The following TNRC6A variants were observed in gnomAD, a reference collection of about 807,000 sequenced individuals.
TNRC6A encodes the protein trinucleotide repeat containing adaptor 6A.
In TNRC6A, 44 loss-of-function variants were observed where a neutral mutation model predicts 221.2. The observed-to-expected ratio is 0.20, with a 90% confidence interval of 0.16 to 0.26. The LOEUF is 0.26. Among genes scored for constraint, TNRC6A ranks in the 10% least tolerant of loss-of-function variants. The pLI is 1.00. For synonymous variants in TNRC6A, 847 were observed against 838.5 expected (o/e 1.01, Z -0.18); for missense variants, 2,199 against 2,404.4 (o/e 0.91, Z 1.79).
intron 2 of TNRC6A, among the ~76,000 whole-genome samples, chr16:24,690,526 T>G (rs765627350): frequency 1.3e-5 from 2 of 152,136 alleles, no homozygotes; most frequent in Non-Finnish European, 2.9e-5. Flanking sequence ...GGGTGCCTAC[T>G]ACATGAAAAC....
At chr16:24,683,392 C>T (rs1305639513) in intron 2 of TNRC6A, among the ~76,000 whole-genome samples, 1 of 152,132 alleles carries the variant, frequency 6.6e-6, no homozygotes, top group African/African-American at 2.4e-5. Context: ...GAGACGGAGT[C>T]TTGCTATGTT....
intron 4 of TNRC6A, among the ~76,000 whole-genome samples, chr16:24,763,240 A>G (rs113001185): frequency 2.0e-4 from 30 of 152,284 alleles, no homozygotes; most frequent in African/African-American, 7.0e-4. Flanking sequence ...TTTTTTTGCT[A>G]CACCTGTAAG....
chr16:24,773,857 C>T (rs1275596755), intron 4 of TNRC6A, among the ~76,000 whole-genome samples: 1 of 151,196 alleles, frequency 6.6e-6, no homozygotes, highest in African/African-American at 2.4e-5. Flanking sequence ...ATATCTTCCT[C>T]TCTACTTTTT....
chr16:24,630,432 G>T (rs143697489), intron 1 of TNRC6A, among the ~76,000 whole-genome samples: 106 of 152,270 alleles, frequency 7.0e-4, no homozygotes, highest in African/African-American at 2.4e-3. Flanking sequence ...GGGAGGCAGA[G>T]GCAGGAGGAT....
intron 9 of TNRC6A, among the ~76,000 whole-genome samples, chr16:24,796,992 T>G (rs1274086030): frequency 6.6e-6 from 1 of 152,216 alleles, no homozygotes; most frequent in Non-Finnish European, 1.5e-5. Flanking sequence ...CAACACAAAT[T>G]GAAATTTTAA....
rs989618691 is a variant in TNRC6A, at chr16:24,771,634, A to G, written c.164-5299A>G. On this transcript the variant is annotated intron_variant, in intron 4 of 24. Transcript: ENST00000395799. Reference sequence around the variant, plus strand: ...GTTATGTTATGTTATGTTATTCAGGAGTTGGGGCCTTACCATATTGCCCAT... The same window carrying G: ...GTTATGTTATGTTATGTTATTCAGGGGTTGGGGCCTTACCATATTGCCCAT... 4.1e-5 allele frequency among the ~76,000 whole-genome samples: 3 copies of G among 73,992 alleles called. No homozygotes were observed. In the Admixed American group the frequency reaches 4.7e-4, roughly 12 times the overall value. 48.5% of individuals were successfully genotyped at this position (73,992 alleles called of 152,430 possible).
chr16:24,798,087 G>A lies in TNRC6A; in HGVS notation c.3694+121G>A, dbSNP rs995584514. ...GGGGAGGCTGTGCTCTCCAATAGAC[G>A]TACACATGCTGTGGTTAAATGAGTG... On this transcript the variant is annotated intron_variant, in intron 11 of 24. Transcript: ENST00000395799. 48 of 726,922 alleles carry A rather than the reference G, an allele frequency of 6.6e-5. No homozygotes were observed. In the Middle Eastern group the frequency reaches 1.9e-3, roughly 28 times the overall value. The allele number at this position is 726,922 out of a possible 1,614,324, so 45.0% of individuals were successfully genotyped here. A position where few individuals can be genotyped will look rare whatever the true frequency, so the allele number is the denominator to read the frequency against.
intron 4 of TNRC6A, chr16:24,776,402 T>TA: frequency 1.0e-6 from 1 of 985,472 alleles, no homozygotes; most frequent in Non-Finnish European, 1.2e-6. Flanking sequence ...TTTTAGCAAA[T>TA]ACAGACATTG....
rs546299695 is a variant in TNRC6A at position 24,786,350 on chromosome 16, G to A, written c.590-2882G>A. 2.6e-5 allele frequency among the ~76,000 whole-genome samples: 4 copies of A among 151,626 alleles called. No homozygotes were observed. In the East Asian group the frequency reaches 7.7e-4, roughly 29 times the overall value. On this transcript the variant is annotated intron_variant, in intron 5 of 24. Coordinates refer to ENST00000395799, the MANE Select transcript of TNRC6A (RefSeq NM_014494.4). ...GTTTTGTTTTGTTTTTTTTGAGACG[G>A]AGTCTTGCTTTGTTGCCCAGGCTGG...
chr16:24,748,730 A>G (rs1226333392), intron 2 of TNRC6A, among the ~76,000 whole-genome samples: 2 of 152,210 alleles, frequency 1.3e-5, no homozygotes, highest in East Asian at 3.9e-4. Flanking sequence ...CACCTATAGC[A>G]ACAACCCCTT....
chr16:24,807,435 T>A (rs1338531784), intron 17 of TNRC6A, among the ~76,000 whole-genome samples: 1 of 152,248 alleles, frequency 6.6e-6, no homozygotes, highest in Non-Finnish European at 1.5e-5. Context: ...GGAAGGCTGA[T>A]GTTCTTATTA....
intron 1 of TNRC6A, among the ~76,000 whole-genome samples, chr16:24,635,439 C>A (rs939604213): frequency 6.6e-6 from 1 of 151,926 alleles, no homozygotes. Context: ...CCCACCACCA[C>A]GCCCAGCTAA....
At chr16:24,715,372 G>A (rs1023218934) in intron 2 of TNRC6A, among the ~76,000 whole-genome samples, 6 of 152,050 alleles carry the variant, frequency 3.9e-5, no homozygotes, top group Non-Finnish European at 7.4e-5. Flanking sequence ...ACCATACCTG[G>A]CCAGAAATTC....
intron 2 of TNRC6A, among the ~76,000 whole-genome samples, chr16:24,731,390 AC>A (rs1239911584): frequency 6.6e-6 from 1 of 152,204 alleles, no homozygotes. Context: ...TTCATAAGAT[AC>A]TAATCTGTTC....
intron 2 of TNRC6A, among the ~76,000 whole-genome samples, chr16:24,699,667 T>C (rs1188836648): frequency 6.7e-6 from 1 of 149,862 alleles, no homozygotes; most frequent in African/African-American, 2.5e-5. Flanking sequence ...TGCAGTGAGC[T>C]ATGATTGCGC....
intron 9 of TNRC6A, among the ~76,000 whole-genome samples, chr16:24,796,790 T>C (rs1322285170): frequency 1.3e-5 from 2 of 152,162 alleles, no homozygotes; most frequent in African/African-American, 4.8e-5. Context: ...AGTGAGACCA[T>C]AATGAGAGAC....
chr16:24,771,582 T>TTATGTTGTGTTGTGATGTTA, intron 4 of TNRC6A, among the ~76,000 whole-genome samples: 2 of 95,480 alleles, frequency 2.1e-5, no homozygotes, highest in Non-Finnish European at 4.1e-5. Flanking sequence ...TTATGTTATG[T>TTATGTTGTGTTGTGATGTTA]TGTTATGTTA....
intron 2 of TNRC6A, among the ~76,000 whole-genome samples, chr16:24,672,474 C>T (rs1270431472): frequency 6.6e-6 from 1 of 151,794 alleles, no homozygotes; most frequent in African/African-American, 2.4e-5. Flanking sequence ...CAGGGTCTCA[C>T]GAAGTCACCC....
chr16:24,805,578 T>A, intron 14 of TNRC6A, 27 bp from the exon 15 acceptor site: 1 of 1,613,240 alleles, frequency 6.2e-7, no homozygotes, highest in Non-Finnish European at 8.5e-7. Flanking sequence ...TTTATCAAGA[T>A]CATTAACTTA....
Sources: allele counts gnomAD v4.1 joint callset (sites outside exome capture counted in the v4.1 genomes callset), GRCh38; gene constraint gnomAD v4.1.1; transcripts MANE v1.5; gene names NCBI Gene and HGNC (gene_info 2026-07-23, HGNC 2026-07-21).